MNAT1: variants seen among roughly 807,000 people sequenced by gnomAD.
MNAT1 encodes CDK-activating kinase assembly factor MAT1.
MNAT1 carries 43 observed loss-of-function variants against 42.0 expected under a neutral mutation model. The observed-to-expected ratio is 1.02, with a 90% CI of 0.80 to 1.32. The LOEUF (loss-of-function observed/expected upper bound fraction) is 1.32. Ranked by LOEUF, MNAT1 falls within the 40% of genes most tolerant of loss-of-function variation. The pLI is 0.00. For synonymous variants in MNAT1, 118 were observed against 120.0 expected, an observed-to-expected ratio of 0.98 and a Z score of 0.11; for missense variants, 306 against 350.4, an observed-to-expected ratio of 0.87 and a Z score of 1.01.
rs60838198 is a variant in MNAT1, at chr14:60,826,307, ATTT to A, written c.687+7485_687+7487del. 1.0e-4 allele frequency among the ~76,000 whole-genome samples: 12 copies of A among 119,766 alleles called. 1 individual carries two copies. Among genetic ancestry groups the A allele is most frequent in the Non-Finnish European group, 1.2e-4 (7 of 57,834 alleles). The allele number at this position is 119,766 out of a possible 152,430, so 78.6% of individuals were successfully genotyped here. On this transcript the variant is annotated intron_variant, in intron 6 of 7. Transcript: ENST00000261245. ...ACTATTTTATGCATGAATAGGAGAAATTTTTTTTTTTTTTTTTTTTTTTTTTTG... is the reference window on the plus strand; with the variant it reads ...ACTATTTTATGCATGAATAGGAGAAATTTTTTTTTTTTTTTTTTTTTTTTG...
At chr14:60,767,965 C>T (rs1233438771) in intron 1 of MNAT1, among the ~76,000 whole-genome samples, 1 of 152,166 alleles carries the variant, frequency 6.6e-6, no homozygotes, top group Non-Finnish European at 1.5e-5. Context: ...GGGGTTTCAC[C>T]ATGTTGGTCA....
chr14:60,781,996 A>G (rs1317235616), intron 1 of MNAT1, among the ~76,000 whole-genome samples: 1 of 149,428 alleles, frequency 6.7e-6, no homozygotes, highest in Non-Finnish European at 1.5e-5. Context: ...TTTTTAACAG[A>G]AGTATACTTG....
At position 60,960,468 on chromosome 14, in the gene MNAT1, G is replaced by T. The variant is rs2036567915; in HGVS notation, c.810-7761G>T. ...TCTAAATTCTGGTAACTCCAAATTG[G>T]TATCTTCATTTCATAACTCTCTTCT... On this transcript the variant is annotated intron_variant, in intron 7 of 7. Transcript: ENST00000261245. 3.3e-5 allele frequency among the ~76,000 whole-genome samples: 5 copies of T among 151,828 alleles called. No homozygotes were observed. The South Asian group carries it at 1.0e-3, about 32-fold the overall frequency.
At chr14:60,950,981 A>G (rs757065332) in intron 7 of MNAT1, among the ~76,000 whole-genome samples, 1 of 152,158 alleles carries the variant, frequency 6.6e-6, no homozygotes, top group Non-Finnish European at 1.5e-5. Context: ...TAACATTTTT[A>G]AGTAGCCATG....
At chr14:60,797,574 G>A (rs980121750) in intron 2 of MNAT1, among the ~76,000 whole-genome samples, 6 of 151,890 alleles carry the variant, frequency 4.0e-5, no homozygotes, top group African/African-American at 7.3e-5. Flanking sequence ...CTTCTTCTCC[G>A]TAGTCATAAG....
rs1212820007 is a variant in MNAT1 at position 60,809,758 on chromosome 14, AAG to A, written c.420+1331_420+1332del. 2.0e-5 allele frequency among the ~76,000 whole-genome samples: 3 copies of A among 152,126 alleles called. No individual in the cohort carries two copies. In the East Asian group the frequency reaches 5.8e-4, roughly 29 times the overall value. ...TAATGTGCAGTTGGATTCAGTTTAT[AAG>A]TATTTTGTTGAGAATTTTTGCATTT... On this transcript the variant is annotated intron_variant, in intron 4 of 7. Transcript: ENST00000261245.
At chr14:60,866,295 G>T (rs1166046512) in intron 6 of MNAT1, among the ~76,000 whole-genome samples, 1 of 140,964 alleles carries the variant, frequency 7.1e-6, no homozygotes, top group Non-Finnish European at 1.5e-5. Flanking sequence ...ATTTTTGAGG[G>T]GTTATTTTGA....
intron 7 of MNAT1, among the ~76,000 whole-genome samples, chr14:60,891,727 A>G (rs2034849664): frequency 6.6e-6 from 1 of 152,178 alleles, no homozygotes; most frequent in South Asian, 2.1e-4. Context: ...TGCTGGGATT[A>G]CAGGTGTGAG....
At chr14:60,962,207 C>A (rs2036606151) in intron 7 of MNAT1, among the ~76,000 whole-genome samples, 1 of 152,114 alleles carries the variant, frequency 6.6e-6, no homozygotes, top group African/African-American at 2.4e-5. Flanking sequence ...GTCATCTAAG[C>A]ATATAATGGC....
chr14:60,895,116 C>G (rs2034924575), intron 7 of MNAT1, among the ~76,000 whole-genome samples: 1 of 152,162 alleles, frequency 6.6e-6, no homozygotes, highest in Admixed American at 6.5e-5. Flanking sequence ...AGGATTAGCT[C>G]AAGCTTTCTC....
chr14:60,830,043 A>G (rs889637615), intron 6 of MNAT1, among the ~76,000 whole-genome samples: 2 of 152,170 alleles, frequency 1.3e-5, no homozygotes, highest in Admixed American at 1.3e-4. Context: ...CTGAACATTA[A>G]CTCACTTAAT....
At chr14:60,926,033 G>A (rs960267210) in intron 7 of MNAT1, among the ~76,000 whole-genome samples, 1 of 152,142 alleles carries the variant, frequency 6.6e-6, no homozygotes, top group East Asian at 1.9e-4. Flanking sequence ...AGTCATGATT[G>A]TGGACTTTCA....
At chr14:60,783,723 C>T (rs918810980) in intron 1 of MNAT1, among the ~76,000 whole-genome samples, 13 of 152,156 alleles carry the variant, frequency 8.5e-5, no homozygotes, top group African/African-American at 3.1e-4. Context: ...GTCTCGATCT[C>T]CTGACCTCGT....
At chr14:60,774,375 A>G (rs1359892210) in intron 1 of MNAT1, among the ~76,000 whole-genome samples, 3 of 152,168 alleles carry the variant, frequency 2.0e-5, no homozygotes, top group African/African-American at 4.8e-5. Flanking sequence ...GAGGGGTAGA[A>G]TGATAGGAAT....
chr14:60,886,204 T>C (rs1233899429), intron 7 of MNAT1, among the ~76,000 whole-genome samples: 1 of 152,080 alleles, frequency 6.6e-6, no homozygotes, highest in Non-Finnish European at 1.5e-5. Context: ...TTGTTCTTCC[T>C]TTTCAAGGCT....
At chr14:60,866,626 C>G (rs1052047287) in intron 6 of MNAT1, among the ~76,000 whole-genome samples, 4 of 152,082 alleles carry the variant, frequency 2.6e-5, no homozygotes, top group South Asian at 4.2e-4. Flanking sequence ...GAGACTCATG[C>G]CTTTCTCAAA....
At chr14:60,749,014 G>A (rs1187811828) in intron 1 of MNAT1, among the ~76,000 whole-genome samples, 1 of 152,170 alleles carries the variant, frequency 6.6e-6, no homozygotes, top group African/African-American at 2.4e-5. Flanking sequence ...GGATGGCTAC[G>A]AAGTCATTAG....
At chr14:60,956,171 A>G (rs1179558738) in intron 7 of MNAT1, among the ~76,000 whole-genome samples, 1 of 152,060 alleles carries the variant, frequency 6.6e-6, no homozygotes, top group African/African-American at 2.4e-5. Flanking sequence ...GCTACATACC[A>G]TAAATTTTGG....
intron 6 of MNAT1, among the ~76,000 whole-genome samples, chr14:60,864,751 G>T (rs1192890104): frequency 2.6e-5 from 4 of 151,916 alleles, no homozygotes; most frequent in Non-Finnish European, 4.4e-5. Flanking sequence ...AGATTTAATT[G>T]CATGGTGGTT....
Sources: allele counts gnomAD v4.1 joint callset (sites outside exome capture counted in the v4.1 genomes callset), GRCh38; gene constraint gnomAD v4.1.1; transcripts MANE v1.5; gene names NCBI Gene and HGNC (gene_info 2026-07-23, HGNC 2026-07-21).